The following ZCCHC2 variants were observed in gnomAD, a reference collection of about 807,000 sequenced individuals.
ZCCHC2 encodes zinc finger CCHC domain-containing protein 2.
A neutral mutation model predicts 103.6 loss-of-function variants in ZCCHC2; 39 were observed. The ratio of observed to expected loss-of-function variants is 0.38; its 90% CI spans 0.29 to 0.49. ZCCHC2 has a LOEUF of 0.49. Ranked by LOEUF, ZCCHC2 falls within the 20% of genes least tolerant of loss-of-function variation. The probability of loss-of-function intolerance (pLI) is 0.96; values close to 1 mark genes in which losing one functional copy is unlikely to be tolerated. For missense variants in ZCCHC2, 1,483 were observed against 1,491.0 expected (o/e 0.99, Z 0.09); for synonymous variants, 687 against 608.9 (o/e 1.13, Z -1.89).
At chr18:62,569,824 A>G (rs1458355719) in intron 11 of ZCCHC2, among the ~76,000 whole-genome samples, 1 of 152,142 alleles carries the variant, frequency 6.6e-6, no homozygotes, top group Non-Finnish European at 1.5e-5. Flanking sequence ...AAAGTAGCTC[A>G]AAGTGATATT....
In ZCCHC2 at chr18:62,523,432, G is replaced by A. The variant is rs1598919136; in HGVS notation, c.8G>A (p.Arg3Lys). 3 of 1,102,172 alleles carry A rather than the reference G, an allele frequency of 2.7e-6. No homozygotes were observed. Among genetic ancestry groups the A allele is most frequent in the Admixed American group, 3.8e-5 (1 of 26,426 alleles). 68.3% of individuals were successfully genotyped at this position (1,102,172 alleles called of 1,614,324 possible). A position where few individuals can be genotyped will look rare whatever the true frequency, so the allele number is the denominator to read the frequency against. Reference sequence around the variant, plus strand: ...GCGCCGCCCTAGCCGAGGATGCTGAGGATGAAGCTGCCGCTGAAGCCAACG... The same window carrying A: ...GCGCCGCCCTAGCCGAGGATGCTGAAGATGAAGCTGCCGCTGAAGCCAACG... ML[R>K]MKLPLKPTHP... is the part of the protein sequence containing the mutation. Residue 3 changes from arginine (R) to lysine (K), a missense_variant, in exon 1 of 14, where the codon AGG becomes AAG. Around this residue, in one of 3 missense-constraint regions of ZCCHC2, gnomAD observed 568 missense variants for 525.1 expected, o/e 1.08. Coordinates refer to ENST00000269499, the MANE Select transcript of ZCCHC2 (RefSeq NM_017742.6).
intron 1 of ZCCHC2, 121 bp downstream of exon 1, chr18:62,524,484 C>T: frequency 2.2e-6 from 3 of 1,369,570 alleles, no homozygotes; most frequent in Non-Finnish European, 2.8e-6. Flanking sequence ...TCGGAATCCC[C>T]ACCCGGCAGC....
intron 11 of ZCCHC2, among the ~76,000 whole-genome samples, chr18:62,569,157 G>T (rs1207421805): frequency 6.6e-6 from 1 of 152,102 alleles, no homozygotes; most frequent in Non-Finnish European, 1.5e-5. Context: ...CCTAACATTT[G>T]AGTGGCTGGG....
intron 11 of ZCCHC2, among the ~76,000 whole-genome samples, chr18:62,569,750 C>T (rs1025238377): frequency 3.3e-5 from 5 of 151,934 alleles, no homozygotes; most frequent in Admixed American, 2.0e-4. Flanking sequence ...CCCTTTTCTT[C>T]TTGAGTTCTT....
chr18:62,579,797 A>G (rs1916991794), downstream of ZCCHC2, among the ~76,000 whole-genome samples: 2 of 151,546 alleles, frequency 1.3e-5, no homozygotes, highest in Admixed American at 1.3e-4. Context: ...ATCTCGACTC[A>G]CTGGAACCTC....
intron 7 of ZCCHC2, among the ~76,000 whole-genome samples, chr18:62,560,078 A>G (rs1193019774): frequency 1.3e-5 from 2 of 152,244 alleles, no homozygotes; most frequent in Non-Finnish European, 2.9e-5. Flanking sequence ...TAAAACTTGC[A>G]CTAGAATGTT....
In ZCCHC2 at chr18:62,575,066, G is replaced by A. The variant is rs756949805; in HGVS notation, c.2985G>A (p.Thr995=). 9.3e-6 allele frequency: 15 copies of A among 1,613,874 alleles called. No homozygotes were observed. The highest frequency in any genetic ancestry group is 1.1e-5 in the Non-Finnish European group (13 of 1,179,902). The change falls in exon 13 of 14, where the codon ACG becomes ACA. Residue 995 remains threonine, a synonymous_variant. Transcript: ENST00000269499. ...STSYISAVGN[T]NANGTVVPPQ... ...CTTACATCAGTGCTGTGGGGAACAC[G>A]AACGCTAATGGGACAGTAGTGCCAC...
intron 1 of ZCCHC2, among the ~76,000 whole-genome samples, chr18:62,532,693 CGTT>C (rs1568538362): frequency 6.6e-6 from 1 of 152,174 alleles, no homozygotes; most frequent in Non-Finnish European, 1.5e-5. Flanking sequence ...GCACATATAT[CGTT>C]GTAATTTTGG....
chr18:62,560,546 G>T, intron 7 of ZCCHC2, 41 bp from the exon 8 acceptor site: 1 of 1,571,304 alleles, frequency 6.4e-7, no homozygotes, highest in Non-Finnish European at 8.7e-7. Flanking sequence ...GGTTTTTGCT[G>T]CAGCATTTAG....
At chr18:62,550,583 A>C in intron 5 of ZCCHC2, 123 bp downstream of exon 5, 1 of 687,330 alleles carries the variant, frequency 1.5e-6, no homozygotes, top group Non-Finnish European at 2.5e-6. Context: ...TAAAATGGAC[A>C]TGTTATCCTT....
rs757651970 is a variant in ZCCHC2 at position 62,574,840 on chromosome 18, G to T, written c.2759G>T (p.Gly920Val). 1.2e-6 allele frequency: 2 copies of T among 1,613,888 alleles called. No individual in the cohort carries two copies. Among genetic ancestry groups the T allele is most frequent in the South Asian group, 1.1e-5 (1 of 91,086 alleles). The change falls in exon 13 of 14, where the codon GGC becomes GTC. Residue 920 changes from glycine (G) to valine (V), a missense_variant. This residue lies in a region of ZCCHC2 where 884 missense variants were observed against 907.5 expected (regional missense o/e 0.97). Transcript: ENST00000269499. The part of the protein sequence containing the change: ...AQPPASYPLP[G>V]SPLAAGVLPS... ...CCACCAGCTTCCTACCCCTTACCAGGCTCTCCCCTTGCTGCCGGCGTGTTA... is the reference window on the plus strand; with the variant it reads ...CCACCAGCTTCCTACCCCTTACCAGTCTCTCCCCTTGCTGCCGGCGTGTTA...
chr18:62,575,545 A>C lies in ZCCHC2; in HGVS notation c.3464A>C (p.Gln1155Pro). The C allele has an allele frequency of 6.2e-7, 1 of 1,612,792 alleles. No individual in the cohort carries two copies. The highest frequency in any genetic ancestry group is 1.3e-5 in the African/African-American group (1 of 75,060). The change falls in exon 13 of 14, where the codon CAA (glutamine) becomes CCA (proline). Residue 1155 changes from glutamine (Q) to proline (P), a missense_variant. Gln to Pro is a moderately conservative substitution (Grantham distance 76, BLOSUM62 -1). Around this residue, in one of 3 missense-constraint regions of ZCCHC2, gnomAD observed 884 missense variants for 907.5 expected, o/e 0.97. Coordinates refer to ENST00000269499, the MANE Select transcript of ZCCHC2 (RefSeq NM_017742.6). ...DCKQSSMEAN[Q>P]QGTYRLRYAP... ...AAGCAGTCGTCCATGGAGGCCAATC[A>C]ACAAGGTAATCACAATAACTCCCAG...
intron 7 of ZCCHC2, 34 bp downstream of exon 7, chr18:62,558,804 C>T (rs1242426556): frequency 5.1e-6 from 7 of 1,371,184 alleles, no homozygotes; most frequent in Non-Finnish European, 6.0e-6. Context: ...AATCATTCTG[C>T]CTGCTGATAG....
intron 9 of ZCCHC2, among the ~76,000 whole-genome samples, chr18:62,563,526 A>G (rs1226880642): frequency 1.3e-5 from 2 of 152,146 alleles, no homozygotes; most frequent in African/African-American, 4.8e-5. Context: ...GTGTGGTGGT[A>G]CACACCTGTA....
In ZCCHC2 at chr18:62,568,340, A is replaced by T. The variant is rs931528796; in HGVS notation, c.1847-1763A>T. On this transcript the variant is annotated intron_variant, in intron 11 of 13. Coordinates refer to ENST00000269499, the MANE Select transcript of ZCCHC2 (RefSeq NM_017742.6). ...GGCAATTTGTGGAGTATCCTTTGGC[A>T]TAATTGGTCTGTCTTCACTTTCCAC... Among the ~76,000 whole-genome samples the T allele has an allele frequency of 6.6e-5, 10 of 152,324 alleles. No homozygotes were observed. In the South Asian group the frequency reaches 1.0e-3, roughly 16 times the overall value.
chr18:62,547,950 C>T (rs1397023475), intron 4 of ZCCHC2, among the ~76,000 whole-genome samples: 1 of 152,144 alleles, frequency 6.6e-6, no homozygotes, highest in East Asian at 1.9e-4. Context: ...TTGTTTCTTC[C>T]CTCACTGCAG....
rs763771566 is a variant in ZCCHC2 at position 62,563,154 on chromosome 18, G to A, written c.1686+10G>A. ...GACCTCGGCTGACCAGGTGTGTGGG[G>A]AGTTTGTTTTGGAGCTATATAGTTA... On this transcript the variant is annotated intron_variant, in intron 9 of 13. Coordinates refer to ENST00000269499, the MANE Select transcript of ZCCHC2 (RefSeq NM_017742.6). 27 of 1,610,186 alleles carry A rather than the reference G, an allele frequency of 1.7e-5. No individual in the cohort carries two copies. The highest frequency in any genetic ancestry group is 2.1e-5 in the Non-Finnish European group (25 of 1,177,174).
rs1377287916 is a variant in ZCCHC2 at position 62,523,892 on chromosome 18, G to T, written c.468G>T (p.Ser156=). The T allele has an allele frequency of 3.9e-6, 6 of 1,540,856 alleles. No individual in the cohort carries two copies. Among genetic ancestry groups the T allele is most frequent in the Admixed American group, 2.0e-5 (1 of 50,760 alleles). Residue 156 remains serine (S), a synonymous_variant, in exon 1 of 14, where the codon TCG becomes TCT. Transcript: ENST00000269499. ...CGGAGGCCAAGGCCAACGGCCTCTC[G>T]GACCCGGGGCCGCTGGCCGACTTCC... The part of the protein sequence containing the change: ...RDSEAKANGL[S]DPGPLADFRE...
In ZCCHC2 at chr18:62,575,298, T is replaced by C. The variant is rs966838968; in HGVS notation, c.3217T>C (p.Phe1073Leu). ...TCAGAGCAATGGAAACCAACTTCCT[T>C]TTTTTCTGCCTCAGACTCCATATGC... ...AHQSNGNQLPFFLPQTPYANG... is the reference protein window; with the variant it reads ...AHQSNGNQLPLFLPQTPYANG... Residue 1073 changes from phenylalanine (F) to leucine (L), a missense_variant, in exon 13 of 14, where the codon TTT (phenylalanine) becomes CTT (leucine). Phe to Leu is a conservative substitution (Grantham distance 22). This residue lies in a region of ZCCHC2 where 884 missense variants were observed against 907.5 expected (regional missense o/e 0.97). Transcript: ENST00000269499. 4 of 1,613,970 alleles carry C rather than the reference T, an allele frequency of 2.5e-6. No homozygotes were observed. Among genetic ancestry groups the C allele is most frequent in the Non-Finnish European group, 3.4e-6 (4 of 1,179,862 alleles).
Sources: gnomAD v4.1 joint callset for allele counts (sites outside exome capture counted in the v4.1 genomes callset) on GRCh38, gnomAD v4.1.1 for gene constraint, gnomAD v4.1.1 regional missense constraint, MANE v1.5 for transcripts, NCBI Gene and HGNC (gene_info 2026-07-23, HGNC 2026-07-21) for gene names.